ARID1B: variants seen among roughly 807,000 people sequenced by gnomAD.
ARID1B encodes AT-rich interactive domain-containing protein 1B.
In ARID1B, 30 loss-of-function variants were observed where a neutral mutation model predicts 212.3. The ratio of observed to expected loss-of-function variants is 0.14; its 90% confidence interval spans 0.11 to 0.19. The LOEUF (loss-of-function observed/expected upper bound fraction) is 0.19. Ranked by LOEUF, ARID1B falls within the 10% of genes least tolerant of loss-of-function variation. The pLI, the probability that ARID1B is intolerant of heterozygous loss-of-function variation, is 1.00. For missense variants in ARID1B, 2,891 were observed against 3,204.0 expected (o/e 0.90, Z 2.36); for synonymous variants, 1,402 against 1,301.7 (o/e 1.08, Z -1.66).
chr6:156,812,619 CAAAT>C (rs767304560), intron 1 of ARID1B, among the ~76,000 whole-genome samples: 2 of 152,172 alleles, frequency 1.3e-5, no homozygotes, highest in African/African-American at 2.4e-5. Context: ...GTTGAATGAA[CAAAT>C]AAATGAATGG....
At chr6:156,806,722 G>A (rs184193154) in intron 1 of ARID1B, among the ~76,000 whole-genome samples, 13 of 152,326 alleles carry the variant, frequency 8.5e-5, no homozygotes, top group African/African-American at 3.1e-4. Context: ...GCTGTGGTGT[G>A]TTACAGTGAT....
chr6:156,970,857 C>T (rs1583052923), intron 4 of ARID1B, among the ~76,000 whole-genome samples: 1 of 152,332 alleles, frequency 6.6e-6, no homozygotes, highest in East Asian at 1.9e-4. Flanking sequence ...CTCAGCCTAG[C>T]TTTGCCAACC....
In ARID1B at chr6:157,200,962, C is replaced by A. The variant is rs756120841; in HGVS notation, c.4737C>A (p.Ser1579=). ...TGGGCGGCCCGCTGCAGTCGTCCTC[C>A]AGTGAGGGGCCTCAGCAGAATATGT... ...QMMGGPLQSS[S]SEGPQQNMWA... The change falls in exon 18 of 20, where the codon TCC becomes TCA. Residue 1579 remains serine, a synonymous_variant. Coordinates refer to ENST00000636930, the MANE Select transcript of ARID1B (RefSeq NM_001374828.1). This position sits in a 1 kb window ranked among gnomAD's most constrained non-coding sequence, Gnocchi z 4.3. 6.2e-7 allele frequency: 1 copy of A among 1,614,086 alleles called. No individual in the cohort carries two copies. Among genetic ancestry groups the A allele is most frequent in the Non-Finnish European group, 8.5e-7 (1 of 1,179,992 alleles).
intron 2 of ARID1B, among the ~76,000 whole-genome samples, chr6:156,880,842 TGTTA>T (rs1175531154): frequency 5.9e-5 from 9 of 152,030 alleles, no homozygotes; most frequent in African/African-American, 1.4e-4. Context: ...TAAAAATCCT[TGTTA>T]GTTTTGTATA....
At chr6:156,934,928 A>T (rs1330512153) in intron 3 of ARID1B, among the ~76,000 whole-genome samples, 2 of 66,538 alleles carry the variant, frequency 3.0e-5, no homozygotes, top group Non-Finnish European at 6.7e-5. Flanking sequence ...ATATATATAT[A>T]TATATATATA....
chr6:157,110,001 A>G (rs1171401328), intron 5 of ARID1B, among the ~76,000 whole-genome samples: 1 of 152,222 alleles, frequency 6.6e-6, no homozygotes, highest in Admixed American at 6.5e-5. Context: ...TTCTAAGTTT[A>G]TGTTAAATCT....
chr6:157,020,579 G>C (rs1780171781), intron 4 of ARID1B, among the ~76,000 whole-genome samples: 1 of 152,176 alleles, frequency 6.6e-6, no homozygotes, highest in Non-Finnish European at 1.5e-5. Flanking sequence ...ATAGTAGGTA[G>C]AACTGAATGA....
At chr6:157,167,234 T>G in intron 9 of ARID1B, 49 bp downstream of exon 9, 1 of 1,572,680 alleles carries the variant, frequency 6.4e-7, no homozygotes, top group Non-Finnish European at 8.6e-7. Flanking sequence ...TCCCCTCTCC[T>G]CCTCTTAGGC....
intron 5 of ARID1B, among the ~76,000 whole-genome samples, chr6:157,105,688 G>A (rs921073654): frequency 3.3e-5 from 5 of 152,032 alleles, no homozygotes; most frequent in African/African-American, 4.8e-5. Context: ...TGCAACCTCC[G>A]CCTCCCGGGT....
chr6:157,134,076 C>G (rs1355776787), intron 7 of ARID1B, among the ~76,000 whole-genome samples: 1 of 152,136 alleles, frequency 6.6e-6, no homozygotes, highest in Non-Finnish European at 1.5e-5. Flanking sequence ...TCTGAAAATA[C>G]CAGGAACATT....
intron 6 of ARID1B, among the ~76,000 whole-genome samples, chr6:157,130,651 A>G (rs910932766): frequency 6.6e-6 from 1 of 152,244 alleles, no homozygotes; most frequent in African/African-American, 2.4e-5. Flanking sequence ...AACAGAAGCA[A>G]TGTTAGACTA....
chr6:156,900,586 C>T (rs1259924829), intron 2 of ARID1B, among the ~76,000 whole-genome samples: 1 of 152,124 alleles, frequency 6.6e-6, no homozygotes, highest in African/African-American at 2.4e-5. Context: ...CTTTTCCTTT[C>T]CTGCTCTCTC....
intron 3 of ARID1B, among the ~76,000 whole-genome samples, chr6:156,919,291 A>G (rs1353467648): frequency 6.6e-6 from 1 of 152,168 alleles, no homozygotes; most frequent in Non-Finnish European, 1.5e-5. Flanking sequence ...TGTTTTTTTA[A>G]TATGTTTTGA....
intron 16 of ARID1B, 63 bp downstream of exon 16, chr6:157,196,378 C>T (rs2128358272): frequency 1.9e-6 from 3 of 1,539,754 alleles, no homozygotes; most frequent in Non-Finnish European, 2.6e-6. Context: ...CTCACACACA[C>T]ATTTCTGAGC....
chr6:157,054,766 A>G lies in ARID1B; in HGVS notation c.2248-29896A>G, dbSNP rs1782834382. Among the ~76,000 whole-genome samples the G allele has an allele frequency of 2.6e-5, 4 of 152,332 alleles. No homozygotes were observed. The South Asian group carries it at 8.3e-4, about 32-fold the overall frequency. On this transcript the variant is annotated intron_variant, in intron 4 of 19. Coordinates refer to ENST00000636930, the MANE Select transcript of ARID1B (RefSeq NM_001374828.1). Reference sequence around the variant, plus strand: ...TGATTGTCAGATTGGTTAAAGCAGAAATCTTTGAAAATGATGCAATCATTA... The same window carrying G: ...TGATTGTCAGATTGGTTAAAGCAGAGATCTTTGAAAATGATGCAATCATTA...
intron 4 of ARID1B, among the ~76,000 whole-genome samples, chr6:157,018,613 T>C (rs1051761369): frequency 4.6e-5 from 7 of 152,234 alleles, no homozygotes; most frequent in Non-Finnish European, 1.0e-4. Context: ...AGCCTTACTC[T>C]TCGTTTACTA....
chr6:157,162,863 C>G (rs191756842), intron 8 of ARID1B, among the ~76,000 whole-genome samples: 4 of 152,130 alleles, frequency 2.6e-5, no homozygotes, highest in African/African-American at 9.7e-5. Context: ...TCCTTACCCC[C>G]CTGAGATGTT....
At chr6:157,001,918 G>A (rs1000888285) in intron 4 of ARID1B, among the ~76,000 whole-genome samples, 10 of 152,218 alleles carry the variant, frequency 6.6e-5, no homozygotes, top group African/African-American at 2.4e-4. Flanking sequence ...ACAGCAGGCG[G>A]CGAGGGCTCC....
chr6:156,781,087 G>T (rs1039442826), intron 1 of ARID1B, among the ~76,000 whole-genome samples: 5 of 152,144 alleles, frequency 3.3e-5, no homozygotes, highest in African/African-American at 1.2e-4. Flanking sequence ...TGATTTATCA[G>T]TTCTGACTGT....
Sources: gnomAD v4.1 joint callset for allele counts (sites outside exome capture counted in the v4.1 genomes callset) on GRCh38, gnomAD v4.1.1 for gene constraint, Gnocchi (gnomAD v3.1) non-coding constraint, MANE v1.5 for transcripts, NCBI Gene and HGNC (gene_info 2026-07-23, HGNC 2026-07-21) for gene names.